FHIT: variants seen among roughly 807,000 people sequenced by gnomAD.
The protein encoded by FHIT is fragile histidine triad diadenosine triphosphatase.
FHIT carries 19 observed loss-of-function variants against 17.9 expected under a neutral mutation model. That is an observed-to-expected ratio of 1.06 (90% confidence interval 0.74 to 1.56). The LOEUF is 1.56. FHIT is among the 40% of genes most tolerant of loss of function. The pLI, the probability that FHIT is intolerant of heterozygous loss-of-function variation, is 0.00. For synonymous variants in FHIT, 81 were observed against 69.7 expected (o/e 1.16, Z -0.81); for missense variants, 248 against 189.2 (o/e 1.31, Z -1.82).
intron 7 of FHIT, among the ~76,000 whole-genome samples, chr3:59,941,511 T>C (rs1042044181): frequency 5.9e-5 from 9 of 152,188 alleles, no homozygotes; most frequent in African/African-American, 1.9e-4. Flanking sequence ...TTCTCTTTTA[T>C]CCTGACACAT....
At chr3:60,282,079 C>G (rs1415474590) in intron 5 of FHIT, among the ~76,000 whole-genome samples, 1 of 152,088 alleles carries the variant, frequency 6.6e-6, no homozygotes, top group South Asian at 2.1e-4. Flanking sequence ...AATGGTATAG[C>G]CACTTTGGAC....
intron 5 of FHIT, among the ~76,000 whole-genome samples, chr3:60,401,548 C>T (rs1471438410): frequency 1.3e-5 from 2 of 152,176 alleles, no homozygotes; most frequent in Non-Finnish European, 1.5e-5. Context: ...TCTTATGTGG[C>T]TCTGATAACA....
intron 3 of FHIT, among the ~76,000 whole-genome samples, chr3:60,924,416 G>T (rs1553769295): frequency 6.6e-6 from 1 of 152,160 alleles, no homozygotes; most frequent in Non-Finnish European, 1.5e-5. Flanking sequence ...CCGCTGTTCT[G>T]CAGCCTCTGC....
At chr3:60,534,464 GAT>G (rs2035911061) in intron 5 of FHIT, among the ~76,000 whole-genome samples, 1 of 37,560 alleles carries the variant, frequency 2.7e-5, no homozygotes, top group African/African-American at 1.1e-4. Context: ...AAAAAAAAAA[GAT>G]GCGTCTCCCA....
At chr3:61,089,547 T>C (rs1416203412) in intron 2 of FHIT, among the ~76,000 whole-genome samples, 1 of 152,184 alleles carries the variant, frequency 6.6e-6, no homozygotes, top group African/African-American at 2.4e-5. Context: ...ATCCATGTTG[T>C]AGCATGTATA....
intron 5 of FHIT, among the ~76,000 whole-genome samples, chr3:60,108,330 C>T (rs143948479): frequency 1.3e-5 from 2 of 152,284 alleles, no homozygotes; most frequent in East Asian, 3.9e-4. Flanking sequence ...TTGATTACAA[C>T]TAAATTCAAG....
chr3:60,914,183 A>G (rs782746319), intron 3 of FHIT, among the ~76,000 whole-genome samples: 19 of 152,166 alleles, frequency 1.2e-4, no homozygotes, highest in Non-Finnish European at 1.8e-4. Flanking sequence ...TCAATTACAC[A>G]ACTATATGCG....
intron 3 of FHIT, among the ~76,000 whole-genome samples, chr3:60,907,708 T>C (rs1467471936): frequency 1.3e-5 from 2 of 152,066 alleles, no homozygotes; most frequent in Non-Finnish European, 2.9e-5. Flanking sequence ...CAATGAACAA[T>C]TACAACAAAA....
At position 60,378,758 on chromosome 3, in the gene FHIT, T is replaced by C. The variant is rs1223499457; in HGVS notation, c.103+158102A>G. The stretch of plus-strand genomic sequence containing the variant: ...GTCTTTGAATCTTGTTAGCAATGCC[T>C]GACCTTCAGACACACTGGCCATGCC... On this transcript the variant is annotated intron_variant, in intron 5 of 9. Coordinates refer to ENST00000492590, the MANE Select transcript of FHIT (RefSeq NM_002012.4). Among the ~76,000 whole-genome samples, 3 of 152,350 alleles carry C rather than the reference T, an allele frequency of 2.0e-5. No individual in the cohort carries two copies. The East Asian group carries it at 5.8e-4, about 29-fold the overall frequency.
intron 8 of FHIT, among the ~76,000 whole-genome samples, chr3:59,916,404 G>T (rs112481659): frequency 6.6e-6 from 1 of 152,016 alleles, no homozygotes; most frequent in Admixed American, 6.6e-5. Context: ...TTGCTCCTCC[G>T]CTTGCAGATG....
chr3:60,147,554 C>T (rs1417747401), intron 5 of FHIT, among the ~76,000 whole-genome samples: 1 of 152,158 alleles, frequency 6.6e-6, no homozygotes, highest in African/African-American at 2.4e-5. Flanking sequence ...GACTCTGTGG[C>T]TTTATACTGC....
chr3:60,112,503 T>C (rs1704720840), intron 5 of FHIT, among the ~76,000 whole-genome samples: 1 of 152,092 alleles, frequency 6.6e-6, no homozygotes, highest in Admixed American at 6.6e-5. Flanking sequence ...AAAACACGAC[T>C]GCAGGGAACC....
chr3:60,645,745 G>A (rs574311460), intron 4 of FHIT, among the ~76,000 whole-genome samples: 14 of 152,200 alleles, frequency 9.2e-5, no homozygotes, highest in East Asian at 1.9e-4. Flanking sequence ...ATGTGTGTAC[G>A]TCATATTTTA....
intron 5 of FHIT, among the ~76,000 whole-genome samples, chr3:60,494,471 AATC>A (rs1471453591): frequency 7.0e-6 from 1 of 142,208 alleles, no homozygotes; most frequent in African/African-American, 3.1e-5. Context: ...TGTTACAAAC[AATC>A]AAATTATACT....
chr3:60,534,851 A>G (rs1055406399), intron 5 of FHIT, among the ~76,000 whole-genome samples: 2 of 152,210 alleles, frequency 1.3e-5, no homozygotes, highest in African/African-American at 2.4e-5. Context: ...ACTATTCACT[A>G]CAGATATTTT....
intron 5 of FHIT, among the ~76,000 whole-genome samples, chr3:60,408,073 A>C (rs1343702505): frequency 6.6e-6 from 1 of 152,192 alleles, no homozygotes; most frequent in Non-Finnish European, 1.5e-5. Flanking sequence ...AAGTCTTTTC[A>C]ACCAGCACTC....
chr3:61,164,971 T>C (rs11712260), intron 2 of FHIT, among the ~76,000 whole-genome samples: 18,453 of 152,250 alleles, frequency 0.12, 1,209 homozygotes, highest in Non-Finnish European at 0.15. Flanking sequence ...GACATGCTTT[T>C]GTTCTTTTTT....
At chr3:60,187,123 A>G (rs547761650) in intron 5 of FHIT, among the ~76,000 whole-genome samples, 20 of 152,280 alleles carry the variant, frequency 1.3e-4, no homozygotes, top group African/African-American at 4.8e-4. Context: ...AATGGTATAC[A>G]TTGTGATTCA....
At chr3:60,352,713 ATGTTGCCTAGGC>A (rs1468694258) in intron 5 of FHIT, among the ~76,000 whole-genome samples, 1 of 152,040 alleles carries the variant, frequency 6.6e-6, no homozygotes, top group East Asian at 1.9e-4. Flanking sequence ...GGGTCTTGCT[ATGTTGCCTAGGC>A]TGATCTCAAA....
Sources: allele counts gnomAD v4.1 joint callset (sites outside exome capture counted in the v4.1 genomes callset), GRCh38; gene constraint gnomAD v4.1.1; transcripts MANE v1.5; gene names NCBI Gene and HGNC (gene_info 2026-07-23, HGNC 2026-07-21).